SLC2A13: variants seen among roughly 807,000 people sequenced by gnomAD.
SLC2A13 encodes solute carrier family 2 member 13, also known as proton myo-inositol cotransporter.
Under a neutral mutation model 64.4 loss-of-function variants are expected in SLC2A13, and 32 were observed. That is an observed-to-expected ratio of 0.50 (90% CI 0.37 to 0.67). SLC2A13 has a LOEUF of 0.67. Ranked by LOEUF, SLC2A13 falls within the 30% of genes least tolerant of loss-of-function variation. The pLI, the probability that SLC2A13 is intolerant of heterozygous loss-of-function variation, is 0.00. For synonymous variants in SLC2A13, 338 were observed against 327.1 expected (o/e 1.03, Z -0.36); for missense variants, 743 against 829.2 (o/e 0.90, Z 1.28).
At chr12:39,930,117 T>A (rs1187295435) in intron 4 of SLC2A13, among the ~76,000 whole-genome samples, 9 of 140,152 alleles carry the variant, frequency 6.4e-5, no homozygotes, top group African/African-American at 2.4e-4. Flanking sequence ...GGTGACAGAG[T>A]GAGACTTCGT....
intron 4 of SLC2A13, among the ~76,000 whole-genome samples, chr12:39,890,445 T>A (rs1944575570): frequency 6.6e-6 from 1 of 152,216 alleles, no homozygotes; most frequent in Non-Finnish European, 1.5e-5. Flanking sequence ...TAGAATTAAA[T>A]GTTGCTCATC....
intron 4 of SLC2A13, among the ~76,000 whole-genome samples, chr12:39,893,137 T>A (rs1304098276): frequency 5.9e-5 from 9 of 152,142 alleles, no homozygotes; most frequent in Admixed American, 5.9e-4. Context: ...CCAATGAGAG[T>A]TATCAAAAAT....
rs1461609766 is a variant in SLC2A13 at position 40,028,433 on chromosome 12, A to T, written c.793T>A (p.Trp265Arg). The T allele has an allele frequency of 1.9e-6, 3 of 1,614,084 alleles. No homozygotes were observed. The highest frequency in any genetic ancestry group is 1.7e-6 in the Non-Finnish European group (2 of 1,179,980). Residue 265 changes from tryptophan (W) to arginine (R), a missense_variant, in exon 3 of 10, where the codon TGG (tryptophan) becomes AGG (arginine). By Grantham distance (101) the Trp-to-Arg change is moderately radical. Coordinates refer to ENST00000280871, the MANE Select transcript of SLC2A13 (RefSeq NM_052885.4). Reference protein sequence around the residue: ...GFLFLPESPRWLIQKGQTQKA... With the variant: ...GFLFLPESPRRLIQKGQTQKA... Reference sequence around the variant, plus strand: ...TGAGTCTGTCCTTTCTGAATAAGCCATCGAGGGCTTTCAGGCAAAAAGAGA... The same window carrying T: ...TGAGTCTGTCCTTTCTGAATAAGCCTTCGAGGGCTTTCAGGCAAAAAGAGA...
chr12:39,979,545 A>G (rs982026855), intron 3 of SLC2A13, among the ~76,000 whole-genome samples: 5 of 150,000 alleles, frequency 3.3e-5, no homozygotes, highest in African/African-American at 1.2e-4. Flanking sequence ...TCAGGAGCCG[A>G]TGCGATCAAC....
At chr12:39,965,109 T>C (rs775195760) in intron 3 of SLC2A13, among the ~76,000 whole-genome samples, 26 of 152,210 alleles carry the variant, frequency 1.7e-4, no homozygotes, top group Non-Finnish European at 3.4e-4. Flanking sequence ...ACAGAAAAGA[T>C]GTCAGCTAAC....
rs144594954 is a variant in SLC2A13, at chr12:39,911,515, T to C, written c.1035-39554A>G. On this transcript the variant is annotated intron_variant, in intron 4 of 9. Coordinates refer to ENST00000280871, the MANE Select transcript of SLC2A13 (RefSeq NM_052885.4). ...AAAGAAAAAAAGTGTCGGGGAATCA[T>C]AAAAGGGGATTTAATACAGGCTTTA... is the stretch of plus-strand genomic sequence containing the variant. 2.6e-3 allele frequency among the ~76,000 whole-genome samples: 389 copies of C among 152,238 alleles called. 4 individuals carry two copies. The highest frequency in any genetic ancestry group is 8.4e-3 in the African/African-American group (349 of 41,516).
At position 39,760,139 on chromosome 12, in the gene SLC2A13, T is replaced by C. The variant is rs1307711676; in HGVS notation, c.1834A>G (p.Arg612Gly). The stretch of plus-strand genomic sequence containing the variant: ...TCTGAAGTGCCACATGTACATAGCC[T>C]GTTGTCAAAGAGTGATTCAATTTCC... ...LEEIESLFDN[R>G]LCTCGTSDSD... is the part of the protein sequence containing the mutation. Residue 612 changes from arginine to glycine, a missense_variant, in exon 10 of 10, where the codon AGG (arginine) becomes GGG (glycine). Arg to Gly is a moderately radical substitution (Grantham distance 125). Coordinates refer to ENST00000280871, the MANE Select transcript of SLC2A13 (RefSeq NM_052885.4). 5 of 1,612,960 alleles carry C rather than the reference T, an allele frequency of 3.1e-6. No homozygotes were observed. Among genetic ancestry groups the C allele is most frequent in the African/African-American group, 2.7e-5 (2 of 74,832 alleles).
intron 3 of SLC2A13, among the ~76,000 whole-genome samples, chr12:40,000,190 G>A (rs1392811840): frequency 6.6e-6 from 1 of 152,164 alleles, no homozygotes; most frequent in Non-Finnish European, 1.5e-5. Context: ...CCCCAGCTAT[G>A]TGGTACTGTA....
chr12:40,071,814 GTC>G (rs1024418878), intron 1 of SLC2A13, among the ~76,000 whole-genome samples: 6 of 151,992 alleles, frequency 3.9e-5, no homozygotes, highest in African/African-American at 9.7e-5. Context: ...AATTTATGTG[GTC>G]TCTTTTTTTC....
At chr12:39,776,270 C>CACAATCACT (rs5797634) in intron 7 of SLC2A13, among the ~76,000 whole-genome samples, 14 of 152,138 alleles carry the variant, frequency 9.2e-5, no homozygotes, top group Admixed American at 3.3e-4. Flanking sequence ...ATTTATACTA[C>CACAATCACT]ACACTGCTTC....
intron 3 of SLC2A13, among the ~76,000 whole-genome samples, chr12:39,982,972 A>C (rs1297251719): frequency 2.8e-5 from 4 of 142,572 alleles, no homozygotes; most frequent in African/African-American, 1.0e-4. Flanking sequence ...ACTGGTACCA[A>C]AACAGAGATA....
intron 9 of SLC2A13, among the ~76,000 whole-genome samples, chr12:39,762,958 A>G (rs751657340): frequency 1.3e-5 from 2 of 152,066 alleles, no homozygotes; most frequent in Non-Finnish European, 2.9e-5. Flanking sequence ...TTCAAGAAAG[A>G]GGAGCTTTGC....
chr12:39,886,984 C>T (rs1944479739), intron 4 of SLC2A13, among the ~76,000 whole-genome samples: 1 of 152,056 alleles, frequency 6.6e-6, no homozygotes, highest in South Asian at 2.1e-4. Context: ...TGATAAGAGG[C>T]AATACTAAAC....
chr12:40,067,792 AT>A (rs1257167777), intron 1 of SLC2A13, among the ~76,000 whole-genome samples: 2 of 152,188 alleles, frequency 1.3e-5, no homozygotes, highest in Non-Finnish European at 2.9e-5. Flanking sequence ...CCCAAACTTT[AT>A]ATTAGTCAAA....
Position 39,758,831 on chromosome 12 carries a change from G to T in SLC2A13, c.*1195C>A, listed in dbSNP as rs1183598817. The T allele has an allele frequency of 4.0e-5, 6 of 151,352 alleles. No individual in the cohort carries two copies. Among genetic ancestry groups the T allele is most frequent in the South Asian group, 2.1e-4 (1 of 4,810 alleles). The allele number at this position is 151,352 out of a possible 1,614,324, so 9.4% of individuals were successfully genotyped here. A position where few individuals can be genotyped will look rare whatever the true frequency, so the allele number is the denominator to read the frequency against. On this transcript the variant is annotated 3_prime_UTR_variant, in exon 10 of 10. Coordinates refer to ENST00000280871, the MANE Select transcript of SLC2A13 (RefSeq NM_052885.4). ...GTAAATTCTCAGGAAAATGAGAAAA[G>T]TGTGCAAAATAAAAACGAGTTTATG... is the stretch of plus-strand genomic sequence containing the variant.
intron 1 of SLC2A13, among the ~76,000 whole-genome samples, chr12:40,049,471 G>T (rs1373762805): frequency 6.6e-6 from 1 of 152,176 alleles, no homozygotes; most frequent in Non-Finnish European, 1.5e-5. Context: ...CATACAGCAA[G>T]TGACATTTCT....
chr12:40,043,495 A>G (rs1948127276), intron 2 of SLC2A13, among the ~76,000 whole-genome samples: 1 of 152,024 alleles, frequency 6.6e-6, no homozygotes, highest in Non-Finnish European at 1.5e-5. Context: ...ATATATATAT[A>G]TATGCTTCTC....
chr12:39,896,572 GTA>G (rs1027708727), intron 4 of SLC2A13, among the ~76,000 whole-genome samples: 21 of 113,934 alleles, frequency 1.8e-4, no homozygotes, highest in East Asian at 1.5e-3. Context: ...ATATATGTAT[GTA>G]TGTGTGTATA....
intron 4 of SLC2A13, among the ~76,000 whole-genome samples, chr12:39,914,473 G>A (rs532305823): frequency 2.6e-5 from 4 of 152,010 alleles, no homozygotes; most frequent in African/African-American, 7.2e-5. Flanking sequence ...GCAAATTTCC[G>A]GATTGTATCA....
Sources: allele counts gnomAD v4.1 joint callset (sites outside exome capture counted in the v4.1 genomes callset), GRCh38; gene constraint gnomAD v4.1.1; transcripts MANE v1.5; gene names NCBI Gene and HGNC (gene_info 2026-07-23, HGNC 2026-07-21).